Variants in ZNF334 observed in about 807,000 individuals in gnomAD.
The protein encoded by ZNF334 is zinc finger protein 334.
A neutral mutation model predicts 12.4 loss-of-function variants in ZNF334; 14 were observed. The ratio of observed to expected loss-of-function variants is 1.13; its 90% CI spans 0.74 to 1.76. The LOEUF is 1.76. ZNF334 is among the 40% of genes most tolerant of loss of function. The pLI, the probability that ZNF334 is intolerant of heterozygous loss-of-function variation, is 0.00. For synonymous variants in ZNF334, 273 were observed against 269.6 expected (o/e 1.01, Z -0.12); for missense variants, 797 against 804.5 (o/e 0.99, Z 0.11).
At chr20:46,479,276 A>G in the ZNF334 span, among the ~76,000 whole-genome samples, 1 of 152,082 alleles carries the variant, frequency 6.6e-6, no homozygotes, top group Admixed American at 6.5e-5. Flanking sequence ...CCTTTTGATT[A>G]TATCAGACCC....
rs1601083699 is a variant in ZNF334, at chr20:46,512,210, C to T, written c.-38-70G>A. ...CACACAGCAGCTCTACAATTACCTA[C>T]AAAGCCACACACCCATTTAAAAACA... On this transcript the variant is annotated intron_variant, in intron 1 of 4. Coordinates refer to ENST00000692313, the MANE Select transcript of ZNF334 (RefSeq NM_001353824.2). 3 of 1,128,954 alleles carry T rather than the reference C, an allele frequency of 2.7e-6. 1 individual carries two copies. The highest frequency in any genetic ancestry group is 2.5e-5 in the South Asian group (2 of 78,642). 69.9% of individuals were successfully genotyped at this position (1,128,954 alleles called of 1,614,324 possible).
chr20:46,486,280 G>A, the ZNF334 span, among the ~76,000 whole-genome samples: 1 of 152,182 alleles, frequency 6.6e-6, no homozygotes, highest in African/African-American at 2.4e-5. Context: ...TGGGTGTGGT[G>A]GCACATGCCT....
the ZNF334 span, among the ~76,000 whole-genome samples, chr20:46,487,663 T>C: frequency 6.6e-6 from 1 of 152,220 alleles, no homozygotes; most frequent in Non-Finnish European, 1.5e-5. Context: ...TAAACTTCTT[T>C]ATCCCTGGAA....
Position 46,502,057 on chromosome 20 carries a change from T to A in ZNF334, c.1282A>T (p.Thr428Ser), listed in dbSNP as rs780290513. 17 of 1,614,224 alleles carry A rather than the reference T, an allele frequency of 1.1e-5. No homozygotes were observed. In the South Asian group the frequency reaches 1.9e-4, roughly 18 times the overall value. Residue 428 changes from threonine to serine, a missense_variant, in exon 5 of 5, where the codon ACA (threonine) becomes TCA (serine). Thr to Ser is a moderately conservative substitution (Grantham distance 58). Coordinates refer to ENST00000692313, the MANE Select transcript of ZNF334 (RefSeq NM_001353824.2). ...SALNVHRRSH[T>S]GEKPYECSQC... ...CTGCATTCATAGGGCTTCTCTCCTG[T>A]ATGACTTCTTCGATGCACATTGAGG...
the ZNF334 span, among the ~76,000 whole-genome samples, chr20:46,480,161 C>T: frequency 6.6e-6 from 1 of 152,202 alleles, no homozygotes; most frequent in Non-Finnish European, 1.5e-5. Context: ...TTAGAATAAA[C>T]TCCTTTAAAT....
At chr20:46,482,429 A>T in the ZNF334 span, among the ~76,000 whole-genome samples, 2 of 152,208 alleles carry the variant, frequency 1.3e-5, no homozygotes, top group Non-Finnish European at 2.9e-5. Flanking sequence ...TTACCAAAAC[A>T]TCTTTTAAAA....
chr20:46,481,433 G>T, the ZNF334 span: 4 of 152,158 alleles, frequency 2.6e-5, no homozygotes, highest in African/African-American at 9.7e-5. Context: ...CAAGATTTAG[G>T]ATTCATTCAA....
At chr20:46,510,163 C>T (rs954842394) in intron 2 of ZNF334, among the ~76,000 whole-genome samples, 4 of 152,068 alleles carry the variant, frequency 2.6e-5, no homozygotes, top group South Asian at 2.1e-4. Flanking sequence ...CTGCAAGTGG[C>T]GTGGAACCTC....
At chr20:46,476,712 T>C in the ZNF334 span, among the ~76,000 whole-genome samples, 1 of 152,222 alleles carries the variant, frequency 6.6e-6, no homozygotes, top group African/African-American at 2.4e-5. Flanking sequence ...ACCCAATGCC[T>C]TCATTTTAAA....
rs766519816 is a variant in ZNF334, at chr20:46,501,654, T to C, written c.1685A>G (p.His562Arg). The C allele has an allele frequency of 3.1e-6, 5 of 1,614,210 alleles. No homozygotes were observed. Among genetic ancestry groups the C allele is most frequent in the South Asian group, 1.1e-5 (1 of 91,084 alleles). ...TCTCTGTCCTGTGTGTGTTCTCTGA[T>C]GGTGAGTCAGGGCTGACTTCCTGCA... is the stretch of plus-strand genomic sequence containing the variant. ...TYCRKSALTHHQRTHTGQRPY... is the reference protein window; with the variant it reads ...TYCRKSALTHRQRTHTGQRPY... The change falls in exon 5 of 5, where the codon CAT (histidine) becomes CGT (arginine). Residue 562 changes from histidine to arginine, a missense_variant. His to Arg is a conservative substitution (Grantham distance 29). Coordinates refer to ENST00000692313, the MANE Select transcript of ZNF334 (RefSeq NM_001353824.2).
the ZNF334 span, among the ~76,000 whole-genome samples, chr20:46,480,038 C>T: frequency 6.6e-6 from 1 of 152,174 alleles, no homozygotes; most frequent in South Asian, 2.1e-4. Flanking sequence ...ATGTCTTTGC[C>T]TGTAACTTGT....
chr20:46,488,754 T>C, the ZNF334 span, among the ~76,000 whole-genome samples: 1 of 151,900 alleles, frequency 6.6e-6, no homozygotes, highest in Non-Finnish European at 1.5e-5. Flanking sequence ...GGTCTTTTGT[T>C]TGTCTTCATT....
chr20:46,505,002 G>A, intron 2 of ZNF334: 2 of 317,230 alleles, frequency 6.3e-6, no homozygotes, highest in Non-Finnish European at 1.1e-5. Flanking sequence ...TACTCTTTAG[G>A]AGCATACATT....
At chr20:46,468,834 A>C in the ZNF334 span, among the ~76,000 whole-genome samples, 1 of 152,146 alleles carries the variant, frequency 6.6e-6, no homozygotes, top group East Asian at 1.9e-4. Context: ...CTGGAGTCGA[A>C]TCTCACCTCC....
chr20:46,498,398 T>C (rs955190573), downstream of ZNF334, among the ~76,000 whole-genome samples: 3 of 152,198 alleles, frequency 2.0e-5, no homozygotes, highest in African/African-American at 7.2e-5. Flanking sequence ...CAAGAAACCC[T>C]ATGGAGAGGT....
chr20:46,464,439 C>T, the ZNF334 span: 2 of 515,992 alleles, frequency 3.9e-6, no homozygotes, highest in Admixed American at 2.0e-5. Context: ...AAGCCACGCT[C>T]ACTGGGGCTG....
At chr20:46,484,059 C>T in the ZNF334 span, among the ~76,000 whole-genome samples, 1 of 152,150 alleles carries the variant, frequency 6.6e-6, no homozygotes, top group African/African-American at 2.4e-5. Flanking sequence ...TCAAGAAGAG[C>T]TGATGCTCCA....
the ZNF334 span, among the ~76,000 whole-genome samples, chr20:46,469,256 T>C: frequency 3.9e-5 from 6 of 152,040 alleles, no homozygotes; most frequent in Non-Finnish European, 8.8e-5. Flanking sequence ...AAAAAGTGAG[T>C]TAGGCAAGTC....
At chr20:46,482,249 G>GT in the ZNF334 span, among the ~76,000 whole-genome samples, 1 of 152,224 alleles carries the variant, frequency 6.6e-6, no homozygotes, top group Non-Finnish European at 1.5e-5. Flanking sequence ...TATGGCAGCA[G>GT]TAAGAAACAT....
Sources: allele counts gnomAD v4.1 joint callset (sites outside exome capture counted in the v4.1 genomes callset), GRCh38; gene constraint gnomAD v4.1.1; transcripts MANE v1.5; gene names NCBI Gene and HGNC (gene_info 2026-07-23, HGNC 2026-07-21).